Variants in RFX3 observed in about 807,000 individuals in gnomAD.
RFX3 encodes the protein regulatory factor X3, also known as transcription factor RFX3.
A neutral mutation model predicts 98.6 loss-of-function variants in RFX3; 14 were observed. That is an observed-to-expected ratio of 0.14 (90% CI 0.09 to 0.22). The LOEUF is 0.22. Among genes scored for constraint, RFX3 ranks in the 10% least tolerant of loss-of-function variants. The pLI, the probability that RFX3 is intolerant of heterozygous loss-of-function variation, is 1.00. For synonymous variants in RFX3, 383 were observed against 328.4 expected, an observed-to-expected ratio of 1.17 and a Z score of -1.80; for missense variants, 639 against 926.9, an observed-to-expected ratio of 0.69 and a Z score of 4.03.
chr9:3,300,744 A>G (rs910505196), intron 5 of RFX3, among the ~76,000 whole-genome samples: 1 of 151,910 alleles, frequency 6.6e-6, no homozygotes, highest in African/African-American at 2.4e-5. Context: ...CCATGGGTCT[A>G]TTTACTTTTT....
In RFX3 at chr9:3,226,862, T is replaced by C. The variant is rs550300694; in HGVS notation, c.2012-1582A>G. 1.8e-4 allele frequency among the ~76,000 whole-genome samples: 28 copies of C among 152,358 alleles called. No homozygotes were observed. The South Asian group carries it at 5.4e-3, about 29-fold the overall frequency. ...TGGTGGCAGTCTCTTATGGTTGTGA[T>C]AATAAAGCTTCACTTTCTATAGTTT... On this transcript the variant is annotated intron_variant, in intron 16 of 16. Transcript: ENST00000617270.
intron 15 of RFX3, among the ~76,000 whole-genome samples, chr9:3,236,440 T>G (rs903383291): frequency 6.6e-6 from 1 of 152,152 alleles, no homozygotes; most frequent in Admixed American, 6.5e-5. Flanking sequence ...AAAGAATATG[T>G]TAAAGTACAC....
chr9:3,236,174 C>A (rs183405964), intron 15 of RFX3, among the ~76,000 whole-genome samples: 1 of 152,242 alleles, frequency 6.6e-6, no homozygotes, highest in Non-Finnish European at 1.5e-5. Context: ...TACATTTGTA[C>A]TTTATTTTTC....
At chr9:3,508,376 T>C (rs1485306336) in intron 1 of RFX3, among the ~76,000 whole-genome samples, 2 of 152,008 alleles carry the variant, frequency 1.3e-5, no homozygotes, top group African/African-American at 2.4e-5. Context: ...TGAGTCAGTA[T>C]ATATGTTGAT....
At chr9:3,463,720 C>G (rs949056551) in intron 1 of RFX3, among the ~76,000 whole-genome samples, 2 of 152,000 alleles carry the variant, frequency 1.3e-5, no homozygotes, top group Non-Finnish European at 1.5e-5. Context: ...CTTATAATCC[C>G]AACACTTTGG....
intron 1 of RFX3, among the ~76,000 whole-genome samples, chr9:3,466,614 T>C (rs533638586): frequency 7.2e-5 from 11 of 152,222 alleles, no homozygotes; most frequent in South Asian, 4.1e-4. Flanking sequence ...ATGGAAGCCA[T>C]TGGATAGGAG....
At chr9:3,316,731 G>C (rs1014056821) in intron 4 of RFX3, among the ~76,000 whole-genome samples, 1 of 147,750 alleles carries the variant, frequency 6.8e-6, no homozygotes, top group Non-Finnish European at 1.5e-5. Context: ...ATACACCAAT[G>C]ACAGAGAGCC....
chr9:3,500,128 G>A (rs1815814875), intron 1 of RFX3, among the ~76,000 whole-genome samples: 1 of 152,072 alleles, frequency 6.6e-6, no homozygotes, highest in South Asian at 2.1e-4. Flanking sequence ...AAAAAAGAAA[G>A]GCCAAGAAAT....
In RFX3 at chr9:3,475,912, T is replaced by C. The variant is rs560101342; in HGVS notation, c.-9+49835A>G. 2.0e-5 allele frequency among the ~76,000 whole-genome samples: 3 copies of C among 152,268 alleles called. No homozygotes were observed. In the South Asian group the frequency reaches 6.2e-4, roughly 31 times the overall value. The stretch of plus-strand genomic sequence containing the variant: ...AGGTGTTTTCCCTTCGCACTGACGC[T>C]ACCACTAGACCACAGTCTGCTTGGC... On this transcript the variant is annotated intron_variant, in intron 1 of 16. Transcript: ENST00000617270.
At chr9:3,233,989 A>G (rs1818812983) in intron 15 of RFX3, among the ~76,000 whole-genome samples, 1 of 152,214 alleles carries the variant, frequency 6.6e-6, no homozygotes. Context: ...GCATAGAAAA[A>G]TTGCATCTTA....
intron 1 of RFX3, among the ~76,000 whole-genome samples, chr9:3,399,781 C>G (rs1380567312): frequency 6.6e-6 from 1 of 151,614 alleles, no homozygotes; most frequent in East Asian, 2.0e-4. Context: ...GAAACCCCGC[C>G]TCTACTAAAA....
intron 2 of RFX3, among the ~76,000 whole-genome samples, chr9:3,350,682 C>T (rs12346880): frequency 0.049 from 7,470 of 151,922 alleles, 557 homozygotes; most frequent in African/African-American, 0.15. Context: ...AGAAGGTGGA[C>T]GGAAGAATAA....
chr9:3,236,412 T>A (rs1819158072), intron 15 of RFX3, among the ~76,000 whole-genome samples: 1 of 152,106 alleles, frequency 6.6e-6, no homozygotes. Flanking sequence ...GACAGAGCAG[T>A]CCTAAGCTCC....
intron 1 of RFX3, among the ~76,000 whole-genome samples, chr9:3,475,739 G>A (rs907645445): frequency 6.6e-6 from 1 of 152,204 alleles, no homozygotes; most frequent in African/African-American, 2.4e-5. Flanking sequence ...GACCACTGAA[G>A]CACAGCATCA....
intron 5 of RFX3, among the ~76,000 whole-genome samples, chr9:3,300,245 T>C (rs1475339884): frequency 6.6e-6 from 1 of 151,790 alleles, no homozygotes; most frequent in African/African-American, 2.4e-5. Context: ...AAAAAACTTA[T>C]ATTTCTTAAA....
chr9:3,419,544 C>G (rs1246937892), intron 1 of RFX3, among the ~76,000 whole-genome samples: 3 of 152,094 alleles, frequency 2.0e-5, no homozygotes, highest in African/African-American at 7.2e-5. Flanking sequence ...TAATAAAATA[C>G]CAAATAAGTC....
chr9:3,504,965 A>AATATATATAATATAATATATATGTT (rs1564186097), intron 1 of RFX3, among the ~76,000 whole-genome samples: 1 of 78,058 alleles, frequency 1.3e-5, no homozygotes, highest in Admixed American at 2.3e-4. Flanking sequence ...TATTATATAT[A>AATATATATAATATAATATATATGTT]ATATATATTA....
At chr9:3,292,689 C>T (rs1827539727) in intron 6 of RFX3, among the ~76,000 whole-genome samples, 1 of 152,086 alleles carries the variant, frequency 6.6e-6, no homozygotes, top group Non-Finnish European at 1.5e-5. Context: ...TTTACTATGT[C>T]ACTTAACTCA....
At chr9:3,524,015 GAAT>G (rs1213098334) in intron 1 of RFX3, among the ~76,000 whole-genome samples, 5 of 152,128 alleles carry the variant, frequency 3.3e-5, no homozygotes, top group African/African-American at 9.7e-5. Flanking sequence ...ACAATCTCAA[GAAT>G]AATTAGTACT....
Sources: gnomAD v4.1 joint callset for allele counts (sites outside exome capture counted in the v4.1 genomes callset) on GRCh38, gnomAD v4.1.1 for gene constraint, MANE v1.5 for transcripts, NCBI Gene and HGNC (gene_info 2026-07-23, HGNC 2026-07-21) for gene names.